Variants in IL1RAPL2 observed in about 807,000 individuals in gnomAD.
IL1RAPL2 encodes interleukin 1 receptor accessory protein like 2, also known as X-linked interleukin-1 receptor accessory protein-like 2.
A neutral mutation model predicts 44.1 loss-of-function variants in IL1RAPL2; 3 were observed. That is an observed-to-expected ratio of 0.07 (90% CI 0.03 to 0.18). The LOEUF is 0.18. IL1RAPL2 is among the 10% of genes least tolerant of loss of function. The probability of loss-of-function intolerance (pLI) is 1.00; values close to 1 mark genes in which losing one functional copy is unlikely to be tolerated. For synonymous variants in IL1RAPL2, 181 were observed against 178.8 expected (o/e 1.01, Z -0.10); for missense variants, 391 against 496.4 (o/e 0.79, Z 2.02).
In IL1RAPL2 at chrX:105,245,969, T is replaced by C. The variant is rs141561358; in HGVS notation, c.543+11965T>C. Among the ~76,000 whole-genome samples the C allele has an allele frequency of 3.1e-3, 347 of 112,708 alleles. 3 individuals carry two copies. The highest frequency in any genetic ancestry group is 0.011 in the African/African-American group (334 of 31,093). ...TGATGGATGGTTCAGTACAAACTTA[T>C]TTGTACAACTGATCATTCATTCAGC... On this transcript the variant is annotated intron_variant, in intron 4 of 10. Transcript: ENST00000372582.
intron 5 of IL1RAPL2, among the ~76,000 whole-genome samples, chrX:105,355,066 A>G (rs2035191305): frequency 9.0e-6 from 1 of 111,396 alleles, no homozygotes; most frequent in Admixed American, 9.6e-5. Context: ...CTTCCACTGA[A>G]CTGCTACACA....
At chrX:105,759,917 T>C (rs186366481) in intron 10 of IL1RAPL2, among the ~76,000 whole-genome samples, 24 of 112,005 alleles carry the variant, frequency 2.1e-4, no homozygotes, top group Non-Finnish European at 2.1e-4. Context: ...TAAGTTGTCT[T>C]TGGGGAGTAA....
chrX:105,298,191 T>C (rs773978557), intron 5 of IL1RAPL2, among the ~76,000 whole-genome samples: 1 of 111,644 alleles, frequency 9.0e-6, no homozygotes, highest in Non-Finnish European at 1.9e-5. Context: ...ACATTATTAC[T>C]AACTATAACC....
intron 5 of IL1RAPL2, among the ~76,000 whole-genome samples, chrX:105,280,109 C>T (rs2034519109): frequency 9.0e-6 from 1 of 111,448 alleles, no homozygotes; most frequent in African/African-American, 3.3e-5. Context: ...GAACGGTGGC[C>T]TCAGAAATAA....
At chrX:104,866,728 C>T (rs187868516) in intron 2 of IL1RAPL2, among the ~76,000 whole-genome samples, 1 of 111,544 alleles carries the variant, frequency 9.0e-6, no homozygotes, top group African/African-American at 3.3e-5. Flanking sequence ...TGAATATAAT[C>T]GATTTCTATG....
At chrX:105,362,329 T>C (rs1052503373) in intron 5 of IL1RAPL2, among the ~76,000 whole-genome samples, 1 of 111,699 alleles carries the variant, frequency 9.0e-6, no homozygotes, top group African/African-American at 3.2e-5. Context: ...TTCAAAGTTC[T>C]ATTTAATTTA....
chrX:105,510,820 G>T lies in IL1RAPL2; in HGVS notation c.772+26433G>T, dbSNP rs1228263942. On this transcript the variant is annotated intron_variant, in intron 6 of 10. Coordinates refer to ENST00000372582, the MANE Select transcript of IL1RAPL2 (RefSeq NM_017416.2). ...AACAGATTGTTACCTAGAGTATCGAGAAAGGGATACAGTCCTGCCAACACT... is the reference window on the plus strand; with the variant it reads ...AACAGATTGTTACCTAGAGTATCGATAAAGGGATACAGTCCTGCCAACACT... 2.7e-5 allele frequency among the ~76,000 whole-genome samples: 3 copies of T among 111,566 alleles called. No individual in the cohort carries two copies. The Admixed American group carries it at 2.9e-4, about 11-fold the overall frequency.
intron 6 of IL1RAPL2, among the ~76,000 whole-genome samples, chrX:105,530,367 T>TATATTA (rs2036624561): frequency 2.7e-5 from 3 of 111,962 alleles, no homozygotes; most frequent in Non-Finnish European, 5.7e-5. Context: ...TTTGTATACC[T>TATATTA]TCTTTGTAGA....
chrX:105,724,277 A>G (rs939021050), intron 7 of IL1RAPL2, among the ~76,000 whole-genome samples: 7 of 111,637 alleles, frequency 6.3e-5, no homozygotes, highest in Non-Finnish European at 9.4e-5. Flanking sequence ...CTTGGACTTC[A>G]GTAAGTATAA....
At chrX:104,660,085 T>C (rs1000616015) in intron 2 of IL1RAPL2, among the ~76,000 whole-genome samples, 1 of 111,673 alleles carries the variant, frequency 9.0e-6, no homozygotes, top group Non-Finnish European at 1.9e-5. Flanking sequence ...TAGGGCAATA[T>C]ATTGTCTTTT....
At chrX:104,898,847 G>A (rs914407163) in intron 2 of IL1RAPL2, among the ~76,000 whole-genome samples, 7 of 53,309 alleles carry the variant, frequency 1.3e-4, no homozygotes, top group Non-Finnish European at 3.7e-4. Flanking sequence ...TCTTCCATTA[G>A]CACTGTAGTC....
chrX:105,289,158 T>A (rs1263750091), intron 5 of IL1RAPL2, among the ~76,000 whole-genome samples: 1 of 110,549 alleles, frequency 9.0e-6, no homozygotes, highest in Non-Finnish European at 1.9e-5. Context: ...TAGACCAGAG[T>A]TCAGACTTTA....
chrX:105,073,890 T>C (rs1025835259), intron 2 of IL1RAPL2, among the ~76,000 whole-genome samples: 2 of 111,669 alleles, frequency 1.8e-5, no homozygotes, highest in Non-Finnish European at 1.9e-5. Context: ...ATGGGGTTGT[T>C]TGTTTTTTTC....
chrX:104,718,127 G>A (rs1325055741), intron 2 of IL1RAPL2, among the ~76,000 whole-genome samples: 1 of 110,738 alleles, frequency 9.0e-6, no homozygotes, highest in African/African-American at 3.3e-5. Flanking sequence ...CCCAATAATG[G>A]GATGGCTGGG....
chrX:104,853,944 G>C (rs1474948113), intron 2 of IL1RAPL2, among the ~76,000 whole-genome samples: 2 of 107,635 alleles, frequency 1.9e-5, no homozygotes, highest in Non-Finnish European at 3.8e-5. Flanking sequence ...GTATAGGATG[G>C]TACTGGAGTG....
chrX:105,156,306 T>A (rs2033268215), intron 2 of IL1RAPL2, among the ~76,000 whole-genome samples: 1 of 112,198 alleles, frequency 8.9e-6, no homozygotes, highest in Admixed American at 9.5e-5. Context: ...ATTATGCTGA[T>A]GAGACTTACA....
At chrX:105,766,758 A>G (rs1488788656) in intron 10 of IL1RAPL2, among the ~76,000 whole-genome samples, 1 of 109,270 alleles carries the variant, frequency 9.2e-6, no homozygotes, top group Non-Finnish European at 1.9e-5. Context: ...AAAACACTGT[A>G]AGTAATGGTG....
At chrX:104,646,873 G>A (rs1484997794) in intron 1 of IL1RAPL2, among the ~76,000 whole-genome samples, 3 of 111,437 alleles carry the variant, frequency 2.7e-5, no homozygotes, top group Non-Finnish European at 5.7e-5. Flanking sequence ...CAGGAAGTGC[G>A]GTCATATCAT....
intron 4 of IL1RAPL2, among the ~76,000 whole-genome samples, chrX:105,263,849 T>G (rs1401556243): frequency 1.8e-5 from 2 of 111,529 alleles, no homozygotes; most frequent in Non-Finnish European, 3.8e-5. Context: ...TTGTTCAGGT[T>G]TAATAGTCCC....
Sources: allele counts gnomAD v4.1 joint callset (sites outside exome capture counted in the v4.1 genomes callset), GRCh38; gene constraint gnomAD v4.1.1; transcripts MANE v1.5; gene names NCBI Gene and HGNC (gene_info 2026-07-23, HGNC 2026-07-21).